Variants in PRKCB observed in about 807,000 individuals in gnomAD.
PRKCB encodes protein kinase C beta.
A neutral mutation model predicts 81.5 loss-of-function variants in PRKCB; 13 were observed. That is an observed-to-expected ratio of 0.16 (90% CI 0.10 to 0.25). The LOEUF (loss-of-function observed/expected upper bound fraction) is 0.25. Ranked by LOEUF, PRKCB falls within the 10% of genes least tolerant of loss-of-function variation. PRKCB has a pLI of 1.00. For synonymous variants in PRKCB, 335 were observed against 321.4 expected, an observed-to-expected ratio of 1.04 and a Z score of -0.45; for missense variants, 509 against 875.7, an observed-to-expected ratio of 0.58 and a Z score of 5.29.
chr16:23,888,535 A>G (rs949056254), intron 2 of PRKCB, among the ~76,000 whole-genome samples: 1 of 152,154 alleles, frequency 6.6e-6, no homozygotes, highest in Non-Finnish European at 1.5e-5. Flanking sequence ...GTGCTTGGTA[A>G]CCATTTCTTT....
At chr16:24,181,018 G>A (rs915314014) in intron 13 of PRKCB, 90 bp downstream of exon 13, 3 of 1,502,562 alleles carry the variant, frequency 2.0e-6, no homozygotes, top group Non-Finnish European at 2.7e-6. Context: ...GTTGAGGGTG[G>A]TACCTTGCAA....
intron 2 of PRKCB, among the ~76,000 whole-genome samples, chr16:23,891,118 C>T (rs1221549880): frequency 6.6e-6 from 1 of 151,506 alleles, no homozygotes; most frequent in Non-Finnish European, 1.5e-5. Context: ...CTCACTGCAG[C>T]CTCGACCTCC....
rs113087399 is a variant in PRKCB, at chr16:24,082,825, C to G, written c.530-9966C>G. Among the ~76,000 whole-genome samples, 786 of 144,528 alleles carry G rather than the reference C, an allele frequency of 5.4e-3. 10 individuals carry two copies. Among genetic ancestry groups the G allele is most frequent in the African/African-American group, 0.017 (652 of 38,948 alleles). The allele number at this position is 144,528 out of a possible 152,430, so 94.8% of individuals were successfully genotyped here. A position where few individuals can be genotyped will look rare whatever the true frequency, so the allele number is the denominator to read the frequency against. On this transcript the variant is annotated intron_variant, in intron 5 of 16. Transcript: ENST00000643927. ...TAGACGTGACACTTAAAAACGTGAC[C>G]CATAAAAGAAAAAAAAAAAAGTGGT...
chr16:24,186,199 A>G (rs2078834), intron 15 of PRKCB, among the ~76,000 whole-genome samples: 45,137 of 152,024 alleles, frequency 0.3, 6,843 homozygotes, highest in South Asian at 0.48. Context: ...TTTGTTTTGC[A>G]TCTTGTGTTG....
intron 5 of PRKCB, among the ~76,000 whole-genome samples, chr16:24,052,696 A>G (rs905152242): frequency 1.3e-5 from 2 of 152,218 alleles, no homozygotes; most frequent in East Asian, 1.9e-4. Flanking sequence ...ATGCTAATGC[A>G]TTACAATTAC....
chr16:23,880,495 A>C (rs1236289413), intron 2 of PRKCB, among the ~76,000 whole-genome samples: 1 of 151,964 alleles, frequency 6.6e-6, no homozygotes, highest in Non-Finnish European at 1.5e-5. Flanking sequence ...TTGAGCTCCA[A>C]AAGGTCTGTT....
intron 2 of PRKCB, among the ~76,000 whole-genome samples, chr16:23,924,326 C>A (rs1963867402): frequency 6.6e-6 from 1 of 152,050 alleles, no homozygotes; most frequent in Non-Finnish European, 1.5e-5. Context: ...TCATTTAAAT[C>A]TCTTTCCTCT....
chr16:24,212,466 T>A (rs1485607468), intron 16 of PRKCB, among the ~76,000 whole-genome samples: 1 of 137,026 alleles, frequency 7.3e-6, no homozygotes, highest in Non-Finnish European at 1.6e-5. Flanking sequence ...TTTTCCTTTT[T>A]TTTTTTTTTT....
intron 2 of PRKCB, among the ~76,000 whole-genome samples, chr16:23,918,987 A>G (rs557205831): frequency 6.6e-6 from 1 of 152,356 alleles, no homozygotes; most frequent in South Asian, 2.1e-4. Flanking sequence ...GGAACTTGTC[A>G]TGGCTCAAAC....
chr16:23,995,653 T>G (rs1368672599), intron 3 of PRKCB, among the ~76,000 whole-genome samples: 3 of 152,026 alleles, frequency 2.0e-5, no homozygotes, highest in Non-Finnish European at 2.9e-5. Flanking sequence ...CAGCAGCACT[T>G]CATCATCAAA....
At position 24,113,075 on chromosome 16, in the gene PRKCB, G is replaced by A. The variant is rs1272067963; in HGVS notation, c.918+6G>A. On this transcript the variant is annotated splice_donor_region_variant and intron_variant, in intron 8 of 16. Transcript: ENST00000643927. ...AACTGCGGCAGAAATTTGAGGTGAGGTTTCTTTTCTTTTTCTCTTCTTTCT... is the reference window on the plus strand; with the variant it reads ...AACTGCGGCAGAAATTTGAGGTGAGATTTCTTTTCTTTTTCTCTTCTTTCT... The A allele has an allele frequency of 1.9e-5, 31 of 1,601,324 alleles. No individual in the cohort carries two copies. Among genetic ancestry groups the A allele is most frequent in the Non-Finnish European group, 2.5e-5 (29 of 1,173,232 alleles).
Position 24,216,536 on chromosome 16 carries a change from C to G in PRKCB, c.*1720C>G, listed in dbSNP as rs1342856833. 25 of 985,284 alleles carry G rather than the reference C, an allele frequency of 2.5e-5. No homozygotes were observed. The highest frequency in any genetic ancestry group is 3.0e-5 in the Non-Finnish European group (25 of 829,948). The allele number at this position is 985,284 out of a possible 1,614,324, so 61.0% of individuals were successfully genotyped here. On this transcript the variant is annotated 3_prime_UTR_variant, in exon 17 of 17. Coordinates refer to ENST00000643927, the MANE Select transcript of PRKCB (RefSeq NM_002738.7). ...AGTTCCAGGGCTTCTGAGAGACCAT[C>G]AAGGGAACTTTAACAACTTGACAAA...
intron 2 of PRKCB, among the ~76,000 whole-genome samples, chr16:23,950,592 G>A (rs1053343497): frequency 6.6e-6 from 1 of 152,170 alleles, no homozygotes; most frequent in African/African-American, 2.4e-5. Flanking sequence ...GTAGGGATAA[G>A]GTACCTGAGG....
intron 9 of PRKCB, among the ~76,000 whole-genome samples, chr16:24,126,279 G>T (rs1402127702): frequency 6.6e-6 from 1 of 152,206 alleles, no homozygotes; most frequent in East Asian, 1.9e-4. Context: ...ATGTTAGGAA[G>T]AATTGAGGCA....
At chr16:23,841,431 TTAATTAAAGTCTTCTC>T (rs1182023670) in intron 2 of PRKCB, among the ~76,000 whole-genome samples, 3 of 147,938 alleles carry the variant, frequency 2.0e-5, no homozygotes, top group Admixed American at 6.6e-5. Context: ...AGCTTTAATT[TTAATTAAAGTCTTCTC>T]TAAGAAGATT....
chr16:23,969,455 T>C (rs1964528965), intron 2 of PRKCB, among the ~76,000 whole-genome samples: 2 of 152,214 alleles, frequency 1.3e-5, no homozygotes, highest in Non-Finnish European at 1.5e-5. Flanking sequence ...TATTGGAGTC[T>C]ATTGAGAGCT....
rs138451869 is a variant in PRKCB at position 23,903,536 on chromosome 16, T to TA, written c.205+66133dup. Among the ~76,000 whole-genome samples the TA allele has an allele frequency of 6.5e-3, 990 of 152,262 alleles. 18 individuals carry two copies. The highest frequency in any genetic ancestry group is 0.023 in the African/African-American group (936 of 41,516). Reference sequence around the variant, plus strand: ...CACATGCCTTGGGAATATGAGAAAGTAAATGATTTCTACCCTAGATCTTTC... The same window carrying TA: ...CACATGCCTTGGGAATATGAGAAAGTAAAATGATTTCTACCCTAGATCTTTC... On this transcript the variant is annotated intron_variant, in intron 2 of 16. Coordinates refer to ENST00000643927, the MANE Select transcript of PRKCB (RefSeq NM_002738.7).
intron 3 of PRKCB, among the ~76,000 whole-genome samples, chr16:23,999,736 C>G (rs1255250427): frequency 6.6e-6 from 1 of 152,208 alleles, no homozygotes; most frequent in Non-Finnish European, 1.5e-5. Context: ...TGACCACATA[C>G]ACAGCCTCCT....
At chr16:24,140,144 A>G (rs902774486) in intron 9 of PRKCB, among the ~76,000 whole-genome samples, 16 of 152,222 alleles carry the variant, frequency 1.1e-4, no homozygotes, top group African/African-American at 3.6e-4. Context: ...GTCAAATGTA[A>G]CATTTAAACA....
Sources: gnomAD v4.1 joint callset for allele counts (sites outside exome capture counted in the v4.1 genomes callset) on GRCh38, gnomAD v4.1.1 for gene constraint, MANE v1.5 for transcripts, NCBI Gene and HGNC (gene_info 2026-07-23, HGNC 2026-07-21) for gene names.